The following NRG3 variants were observed in gnomAD, a reference collection of about 807,000 sequenced individuals.
NRG3 encodes the protein neuregulin 3.
In NRG3, 31 loss-of-function variants were observed where a neutral mutation model predicts 66.9. The observed-to-expected ratio is 0.46, with a 90% CI of 0.35 to 0.63. The LOEUF is 0.63. Among genes scored for constraint, NRG3 ranks in the 20% least tolerant of loss-of-function variants. The pLI, the probability that NRG3 is intolerant of heterozygous loss-of-function variation, is 0.00. For synonymous variants in NRG3, 393 were observed against 359.4 expected (o/e 1.09, Z -1.06); for missense variants, 910 against 878.9 (o/e 1.04, Z -0.45).
intron 1 of NRG3, among the ~76,000 whole-genome samples, chr10:82,292,564 C>T (rs2079810999): frequency 1.3e-5 from 2 of 152,110 alleles, no homozygotes; most frequent in South Asian, 4.1e-4. Context: ...GTCAGACTAA[C>T]CAAAAATTAA....
chr10:82,852,572 G>A (rs1229493670), intron 3 of NRG3, among the ~76,000 whole-genome samples: 2 of 152,030 alleles, frequency 1.3e-5, no homozygotes, highest in Non-Finnish European at 2.9e-5. Flanking sequence ...TCACTAGCAA[G>A]GATGCTATGA....
intron 1 of NRG3, among the ~76,000 whole-genome samples, chr10:81,952,639 T>C (rs1849479264): frequency 6.6e-6 from 1 of 152,126 alleles, no homozygotes; most frequent in Non-Finnish European, 1.5e-5. Flanking sequence ...AGGGCACTTT[T>C]TTCTACCTGT....
intron 1 of NRG3, among the ~76,000 whole-genome samples, chr10:82,192,229 C>G (rs1308979325): frequency 2.6e-5 from 4 of 152,138 alleles, no homozygotes; most frequent in Admixed American, 6.6e-5. Flanking sequence ...GCAATTATCA[C>G]CATTATGCAG....
At chr10:82,294,613 C>T (rs2079950245) in intron 1 of NRG3, among the ~76,000 whole-genome samples, 1 of 152,150 alleles carries the variant, frequency 6.6e-6, no homozygotes, top group Admixed American at 6.6e-5. Context: ...ACTTTAAATA[C>T]TACTTTAAAA....
intron 3 of NRG3, among the ~76,000 whole-genome samples, chr10:82,852,667 T>C (rs977993424): frequency 2.0e-5 from 3 of 152,188 alleles, no homozygotes; most frequent in Non-Finnish European, 4.4e-5. Context: ...ATTCTATTCG[T>C]TTGCCTTGGT....
At chr10:82,706,957 G>A (rs943778905) in intron 2 of NRG3, among the ~76,000 whole-genome samples, 3 of 149,722 alleles carry the variant, frequency 2.0e-5, no homozygotes, top group Non-Finnish European at 4.4e-5. Flanking sequence ...TCGCACCACT[G>A]CACTCCAGCC....
intron 3 of NRG3, among the ~76,000 whole-genome samples, chr10:82,825,978 G>A (rs544768444): frequency 1.3e-5 from 2 of 152,262 alleles, no homozygotes; most frequent in African/African-American, 2.4e-5. Context: ...GATGTTTACA[G>A]ATTGATTGTC....
chr10:82,918,237 A>T (rs920255365), intron 4 of NRG3, among the ~76,000 whole-genome samples: 3 of 152,082 alleles, frequency 2.0e-5, no homozygotes, highest in Admixed American at 1.3e-4. Flanking sequence ...TCCATATTTT[A>T]TACATGGCAA....
chr10:82,833,924 A>G (rs1443990911), intron 3 of NRG3, among the ~76,000 whole-genome samples: 5 of 152,304 alleles, frequency 3.3e-5, no homozygotes, highest in East Asian at 1.9e-4. Flanking sequence ...TCCACTTCAC[A>G]TGGGAGAATG....
intron 2 of NRG3, among the ~76,000 whole-genome samples, chr10:82,680,343 T>A (rs2054023931): frequency 6.6e-6 from 1 of 152,212 alleles, no homozygotes; most frequent in Admixed American, 6.5e-5. Context: ...TGTGCCATTG[T>A]TTTAATTTTA....
chr10:82,965,081 A>G (rs578259677), intron 6 of NRG3, among the ~76,000 whole-genome samples: 7 of 152,194 alleles, frequency 4.6e-5, no homozygotes, highest in East Asian at 1.9e-4. Context: ...GGAAATAACA[A>G]TATTAACCAG....
intron 1 of NRG3, among the ~76,000 whole-genome samples, chr10:82,296,883 A>G (rs888751651): frequency 2.6e-5 from 4 of 152,128 alleles, no homozygotes; most frequent in African/African-American, 9.7e-5. Context: ...TCTTCTAAAC[A>G]GTGAACGTAG....
chr10:82,406,119 A>G (rs2087498608), intron 2 of NRG3, among the ~76,000 whole-genome samples: 1 of 152,168 alleles, frequency 6.6e-6, no homozygotes, highest in East Asian at 1.9e-4. Flanking sequence ...AAGTATGAAC[A>G]ATTCATTATA....
chr10:82,489,101 T>C (rs1254793690), intron 2 of NRG3, among the ~76,000 whole-genome samples: 1 of 152,128 alleles, frequency 6.6e-6, no homozygotes, highest in African/African-American at 2.4e-5. Flanking sequence ...AAACCACATA[T>C]ACAGATGAGA....
intron 6 of NRG3, among the ~76,000 whole-genome samples, chr10:82,964,964 C>CT (rs1349285636): frequency 3.9e-5 from 6 of 152,138 alleles, no homozygotes; most frequent in African/African-American, 1.4e-4. Context: ...CTACAATGTG[C>CT]TAGGAGCAAA....
chr10:82,007,315 T>G (rs932379815), intron 1 of NRG3, among the ~76,000 whole-genome samples: 1 of 151,422 alleles, frequency 6.6e-6, no homozygotes, highest in Non-Finnish European at 1.5e-5. Flanking sequence ...GTTCAGGTGA[T>G]TCTCCTGCCT....
At chr10:82,035,524 A>G (rs1340611381) in intron 1 of NRG3, among the ~76,000 whole-genome samples, 2 of 152,170 alleles carry the variant, frequency 1.3e-5, no homozygotes, top group Non-Finnish European at 2.9e-5. Flanking sequence ...ATTAAAATCA[A>G]TTGAGGATTT....
At chr10:82,084,450 G>C (rs1052482083) in intron 1 of NRG3, among the ~76,000 whole-genome samples, 5 of 150,484 alleles carry the variant, frequency 3.3e-5, no homozygotes, top group African/African-American at 9.8e-5. Flanking sequence ...AATAATCTTG[G>C]GTACTTTGAG....
intron 1 of NRG3, among the ~76,000 whole-genome samples, chr10:82,241,049 G>T (rs2076988028): frequency 6.6e-6 from 1 of 152,016 alleles, no homozygotes; most frequent in African/African-American, 2.4e-5. Context: ...TTGAGTTTTT[G>T]GGAGAAAATA....
Sources: allele counts gnomAD v4.1 joint callset (sites outside exome capture counted in the v4.1 genomes callset), GRCh38; gene constraint gnomAD v4.1.1; transcripts MANE v1.5; gene names NCBI Gene and HGNC (gene_info 2026-07-23, HGNC 2026-07-21).